Variants in UQCC6 observed in about 807,000 individuals in gnomAD.
UQCC6 encodes the protein protein BRAWNIN.
the UQCC6 span, among the ~76,000 whole-genome samples, chr12:103,961,805 A>G: frequency 6.6e-6 from 1 of 152,084 alleles, no homozygotes; most frequent in Non-Finnish European, 1.5e-5. Flanking sequence ...GGTGATCCAC[A>G]TGCCTCGGCC....
chr12:103,952,315 G>A, the UQCC6 span, among the ~76,000 whole-genome samples: 1 of 152,104 alleles, frequency 6.6e-6, no homozygotes. Flanking sequence ...TGTTCTTTCA[G>A]GTAGAATAAT....
chr12:103,956,731 G>T, the UQCC6 span: 2 of 1,550,914 alleles, frequency 1.3e-6, no homozygotes, highest in African/African-American at 2.7e-5. Context: ...GGGCACGCCC[G>T]CGGGCATGGT....
the UQCC6 span, among the ~76,000 whole-genome samples, chr12:103,961,204 A>G: frequency 1.3e-5 from 2 of 152,184 alleles, no homozygotes; most frequent in South Asian, 2.1e-4. Context: ...TAAAAACAGA[A>G]AAAAGGCTTA....
chr12:103,964,545 A>G, the UQCC6 span, among the ~76,000 whole-genome samples: 3 of 152,198 alleles, frequency 2.0e-5, no homozygotes, highest in Non-Finnish European at 4.4e-5. Context: ...TGCCAAGGGT[A>G]ATTCCCCGAG....
At chr12:103,964,052 G>T in the UQCC6 span, among the ~76,000 whole-genome samples, 1 of 149,466 alleles carries the variant, frequency 6.7e-6, no homozygotes, top group Non-Finnish European at 1.5e-5. Context: ...GAGAGACACT[G>T]ATGGGATAAA....
the UQCC6 span, among the ~76,000 whole-genome samples, chr12:103,960,419 G>T: frequency 6.6e-6 from 1 of 152,128 alleles, no homozygotes; most frequent in Admixed American, 6.5e-5. Flanking sequence ...TGAGACATAT[G>T]AGACATCCCC....
the UQCC6 span, among the ~76,000 whole-genome samples, chr12:103,958,760 TAA>T: frequency 6.6e-6 from 1 of 151,900 alleles, no homozygotes; most frequent in Non-Finnish European, 1.5e-5. Context: ...TGTTGGAACC[TAA>T]AAAAAACACT....
At chr12:103,963,893 G>T in the UQCC6 span, among the ~76,000 whole-genome samples, 41 of 144,674 alleles carry the variant, frequency 2.8e-4, no homozygotes, top group Middle Eastern at 3.7e-3. Context: ...AAGACAAATT[G>T]TTTTTTTTTT....
At chr12:103,959,364 G>C in the UQCC6 span, among the ~76,000 whole-genome samples, 1 of 152,236 alleles carries the variant, frequency 6.6e-6, no homozygotes, top group Admixed American at 6.5e-5. Context: ...ATTTTTATTA[G>C]GTACATCTCT....
the UQCC6 span, among the ~76,000 whole-genome samples, chr12:103,962,647 G>A: frequency 2.1e-4 from 32 of 152,304 alleles, no homozygotes; most frequent in African/African-American, 7.2e-4. Context: ...ATGACCCACT[G>A]ACCCAAAAGT....
chr12:103,951,674 A>C, the UQCC6 span: 2 of 1,103,338 alleles, frequency 1.8e-6, no homozygotes, highest in African/African-American at 1.6e-5. Flanking sequence ...CTAACCCTTA[A>C]TAAGGCTGTA....
the UQCC6 span, among the ~76,000 whole-genome samples, chr12:103,956,021 A>T: frequency 2.6e-5 from 4 of 152,232 alleles, no homozygotes; most frequent in Non-Finnish European, 5.9e-5. Flanking sequence ...CATAGTCTGG[A>T]GCTTACATTC....
the UQCC6 span, among the ~76,000 whole-genome samples, chr12:103,963,079 T>TTC: frequency 9.3e-5 from 14 of 151,158 alleles, no homozygotes; most frequent in South Asian, 2.9e-3. Context: ...CTACACTTTT[T>TTC]TTTTTTTTTT....
the UQCC6 span, among the ~76,000 whole-genome samples, chr12:103,953,118 G>C: frequency 6.6e-6 from 1 of 152,154 alleles, no homozygotes; most frequent in African/African-American, 2.4e-5. Context: ...AGATGATAAT[G>C]GTAGCTTTGC....
the UQCC6 span, chr12:103,956,956 C>T: frequency 1.8e-6 from 1 of 544,834 alleles, no homozygotes; most frequent in South Asian, 2.3e-5. Context: ...AGGCCGAGGC[C>T]CAGCCCCAAT....
At chr12:103,956,376 G>C in the UQCC6 span, 3 of 368,918 alleles carry the variant, frequency 8.1e-6, no homozygotes, top group Non-Finnish European at 1.5e-5. Context: ...TAGGCCACAG[G>C]TAGGCAGCGG....
the UQCC6 span, among the ~76,000 whole-genome samples, chr12:103,961,743 A>G: frequency 1.3e-5 from 2 of 151,418 alleles, no homozygotes; most frequent in African/African-American, 4.9e-5. Context: ...GTATTTTAGT[A>G]AAGATAGGGT....
the UQCC6 span, chr12:103,953,733 C>T: frequency 1.7e-6 from 1 of 600,042 alleles, no homozygotes; most frequent in Non-Finnish European, 3.0e-6. Flanking sequence ...TTAGACCCTT[C>T]AATATGGCCC....
the UQCC6 span, chr12:103,956,190 A>G: frequency 7.3e-4 from 99 of 135,452 alleles, 2 homozygotes; most frequent in South Asian, 0.013. Context: ...TAAGACTTGA[A>G]GTTTTGAAGA....
Sources: gnomAD v4.1 joint callset for allele counts (sites outside exome capture counted in the v4.1 genomes callset) on GRCh38, gnomAD v4.1.1 for gene constraint, MANE v1.5 for transcripts, NCBI Gene and HGNC (gene_info 2026-07-23, HGNC 2026-07-21) for gene names.